The following ASAP3 variants were observed in gnomAD, a reference collection of about 807,000 sequenced individuals.
ASAP3 encodes the protein arf-GAP with SH3 domain, ANK repeat and PH domain-containing protein 3.
ASAP3 carries 85 observed loss-of-function variants against 118.2 expected under a neutral mutation model. The observed-to-expected ratio is 0.72, with a 90% CI of 0.60 to 0.86. The LOEUF is 0.86. Among genes scored for constraint, ASAP3 ranks in the 40% least tolerant of loss-of-function variants. The pLI is 0.00. For synonymous variants in ASAP3, 432 were observed against 477.4 expected, an observed-to-expected ratio of 0.90 and a Z score of 1.24; for missense variants, 1,026 against 1,175.0, an observed-to-expected ratio of 0.87 and a Z score of 1.85.
intron 22 of ASAP3, among the ~76,000 whole-genome samples, 191 bp from the exon 23 acceptor site, chr1:23,432,109 A>T (rs1273477599): frequency 6.7e-6 from 1 of 149,898 alleles, no homozygotes; most frequent in Non-Finnish European, 1.5e-5. Flanking sequence ...CAGGTTCAAG[A>T]GATTCTCCTG....
chr1:23,461,499 T>G (rs1641584687), intron 1 of ASAP3, among the ~76,000 whole-genome samples: 1 of 151,916 alleles, frequency 6.6e-6, no homozygotes, highest in Non-Finnish European at 1.5e-5. Flanking sequence ...AGAGTCTGTC[T>G]CTACAAAAAA....
intron 5 of ASAP3, among the ~76,000 whole-genome samples, chr1:23,450,294 A>G (rs1427914292): frequency 6.6e-6 from 1 of 152,334 alleles, no homozygotes; most frequent in East Asian, 1.9e-4. Flanking sequence ...TGCTTCTCCA[A>G]TGACAGGAAC....
At chr1:23,482,886 A>C (rs1430900973) in intron 1 of ASAP3, among the ~76,000 whole-genome samples, 1 of 151,674 alleles carries the variant, frequency 6.6e-6, no homozygotes, top group Non-Finnish European at 1.5e-5. Context: ...TGGGAGGCGG[A>C]GTTTGCATTG....
chr1:23,456,085 T>C (rs748408823), intron 2 of ASAP3, 37 bp downstream of exon 2: 1 of 1,613,958 alleles, frequency 6.2e-7, no homozygotes, highest in Admixed American at 1.7e-5. Context: ...GGAGAGGGGC[T>C]TCCTGACCAG....
Position 23,433,100 on chromosome 1 carries a change from C to T in ASAP3, c.2300G>A (p.Gly767Glu). 1 of 1,614,078 alleles carries T rather than the reference C, an allele frequency of 6.2e-7. No homozygotes were observed. The highest frequency in any genetic ancestry group is 8.5e-7 in the Non-Finnish European group (1 of 1,180,014). ...VKNSSRTLVQ[G>E]CARHASGDRS... ...ACCTCCACTGGCATGTCTTGCACAC[C>T]CTTGGACCAAAGTCCGAGAAGAGTT... The change falls in exon 22 of 25, where the codon GGG becomes GAG. Residue 767 changes from glycine to glutamate, a missense_variant. Physicochemically the swap from Gly to Glu is moderately conservative, Grantham distance 98. Transcript: ENST00000336689.
rs562425584 is a variant in ASAP3 at position 23,452,970 on chromosome 1, C to A, written c.349-199G>T. Among the ~76,000 whole-genome samples, 4 of 152,046 alleles carry A rather than the reference C, an allele frequency of 2.6e-5. No individual in the cohort carries two copies. In the East Asian group the frequency reaches 7.8e-4, roughly 30 times the overall value. On this transcript the variant is annotated intron_variant, in intron 3 of 24. Transcript: ENST00000336689. ...GGAGTGCTGAGCCTGCGGGGGGGGA[C>A]TAGAGGATCCAGCTCTGGGGTCTGC...
At chr1:23,444,720 C>A (rs1640992002) in intron 5 of ASAP3, among the ~76,000 whole-genome samples, 1 of 152,128 alleles carries the variant, frequency 6.6e-6, no homozygotes. Context: ...AGTTCTGGGC[C>A]CTCCTGAGTA....
chr1:23,484,078 C>T lies in ASAP3; in HGVS notation c.56G>A (p.Ser19Asn). The change falls in exon 1 of 25, where the codon AGC becomes AAC. Residue 19 changes from serine to asparagine, a missense_variant. By Grantham distance (46) the Ser-to-Asn change is conservative. Transcript: ENST00000336689. ...GAAGGCGGCGGCCCCAGCCGGGGAG[C>T]TGAGGTCCTCCGCGGTGACGGCCAG... ...EFLAVTAEDL[S>N]SPAGAAAFAA... 1 of 1,350,782 alleles carries T rather than the reference C, an allele frequency of 7.4e-7. No individual in the cohort carries two copies. The allele number at this position is 1,350,782 out of a possible 1,614,324, so 83.7% of individuals were successfully genotyped here. A position where few individuals can be genotyped will look rare whatever the true frequency, so the allele number is the denominator to read the frequency against.
chr1:23,469,287 C>T (rs1467220320), intron 1 of ASAP3, among the ~76,000 whole-genome samples: 1 of 152,132 alleles, frequency 6.6e-6, no homozygotes. Context: ...GCCTGAGCAA[C>T]AGAGCGAGAC....
At chr1:23,460,269 G>A (rs573673460) in intron 1 of ASAP3, among the ~76,000 whole-genome samples, 1 of 152,136 alleles carries the variant, frequency 6.6e-6, no homozygotes, top group Admixed American at 6.5e-5. Flanking sequence ...CACTTTGGGA[G>A]GCTGAGGCTG....
intron 5 of ASAP3, among the ~76,000 whole-genome samples, 172 bp downstream of exon 5, chr1:23,451,307 C>T (rs1641207731): frequency 1.3e-5 from 2 of 152,116 alleles, no homozygotes; most frequent in South Asian, 4.2e-4. Context: ...GGTCTCGTGG[C>T]CCAGTCCCCA....
chr1:23,444,245 C>T (rs186169284), intron 5 of ASAP3, among the ~76,000 whole-genome samples: 1 of 152,320 alleles, frequency 6.6e-6, no homozygotes, highest in Admixed American at 6.5e-5. Context: ...CCTTCCCCCT[C>T]AGAGGTTGGC....
rs754099357 is a variant in ASAP3, at chr1:23,436,623, T to C, written c.1508A>G (p.Asn503Ser). 2.2e-5 allele frequency: 35 copies of C among 1,614,098 alleles called. No homozygotes were observed. Among genetic ancestry groups the C allele is most frequent in the Admixed American group, 1.8e-4 (11 of 60,006 alleles). ...LALNMGNTSF[N>S]EVMEAQLPSH... ...GGGTAGCTGGGCCTCCATGACCTCA[T>C]TGAAGCTCGTGTTTCCCATGTTCAA... is the stretch of plus-strand genomic sequence containing the variant. The change falls in exon 16 of 25, where the codon AAT becomes AGT. Residue 503 changes from asparagine (N) to serine (S), a missense_variant. Physicochemically the swap from Asn to Ser is conservative, Grantham distance 46 (BLOSUM62 1). Coordinates refer to ENST00000336689, the MANE Select transcript of ASAP3 (RefSeq NM_017707.4). This position sits in a 1 kb window ranked among gnomAD's most constrained non-coding sequence, Gnocchi z 4.2.
upstream of ASAP3, chr1:23,484,195 G>A: frequency 1.6e-6 from 2 of 1,213,846 alleles, no homozygotes; most frequent in African/African-American, 1.6e-5. Context: ...GCTCCGCGCT[G>A]AGCCGGCCTC....
intron 1 of ASAP3, among the ~76,000 whole-genome samples, chr1:23,463,086 G>A (rs1485526065): frequency 6.6e-6 from 1 of 152,128 alleles, no homozygotes; most frequent in East Asian, 1.9e-4. Context: ...GACAAGGACA[G>A]GAACATAGTT....
chr1:23,456,287 C>T, intron 1 of ASAP3, 93 bp from the exon 2 acceptor site: 1 of 1,195,462 alleles, frequency 8.4e-7, no homozygotes, highest in Non-Finnish European at 1.2e-6. Flanking sequence ...CACCCCCCAA[C>T]CGCCCTCCAA....
At chr1:23,458,640 T>C (rs962646378) in intron 1 of ASAP3, among the ~76,000 whole-genome samples, 2 of 151,844 alleles carry the variant, frequency 1.3e-5, no homozygotes, top group Non-Finnish European at 2.9e-5. Flanking sequence ...AAAATGTTTC[T>C]TACTAAAGAG....
chr1:23,457,503 T>A (rs894007358), intron 1 of ASAP3, among the ~76,000 whole-genome samples: 1 of 152,168 alleles, frequency 6.6e-6, no homozygotes, highest in East Asian at 1.9e-4. Flanking sequence ...TCGGGGGCTA[T>A]GTGACCTTGA....
In ASAP3 at chr1:23,436,830, C is replaced by T. The variant is rs978781528; in HGVS notation, c.1476+81G>A. The T allele has an allele frequency of 2.6e-6, 4 of 1,563,348 alleles. No individual in the cohort carries two copies. Among genetic ancestry groups the T allele is most frequent in the East Asian group, 4.5e-5 (2 of 44,172 alleles). Reference sequence around the variant, plus strand: ...GCCCACCTCGGCCAGGTCCCACCCACAACCTGCAAGCCCCGCCCCCGGATG... The same window carrying T: ...GCCCACCTCGGCCAGGTCCCACCCATAACCTGCAAGCCCCGCCCCCGGATG... On this transcript the variant is annotated intron_variant, in intron 15 of 24. Transcript: ENST00000336689. This position sits in a 1 kb window ranked among gnomAD's most constrained non-coding sequence, Gnocchi z 4.2.
Sources: allele counts gnomAD v4.1 joint callset (sites outside exome capture counted in the v4.1 genomes callset), GRCh38; gene constraint gnomAD v4.1.1; non-coding constraint Gnocchi (gnomAD v3.1); transcripts MANE v1.5; gene names NCBI Gene and HGNC (gene_info 2026-07-23, HGNC 2026-07-21).